Variants in CLTCL1 observed in about 807,000 individuals in gnomAD.
The protein encoded by CLTCL1 is clathrin heavy chain 2.
CLTCL1 carries 159 observed loss-of-function variants against 190.0 expected under a neutral mutation model. The observed-to-expected ratio is 0.84, with a 90% CI of 0.74 to 0.95. The LOEUF (loss-of-function observed/expected upper bound fraction) is 0.95. CLTCL1 is among the 40% of genes least tolerant of loss of function. The pLI, the probability that CLTCL1 is intolerant of heterozygous loss-of-function variation, is 0.00. For synonymous variants in CLTCL1, 752 were observed against 769.6 expected, an observed-to-expected ratio of 0.98 and a Z score of 0.38; for missense variants, 1,878 against 2,033.4, an observed-to-expected ratio of 0.92 and a Z score of 1.47.
chr22:19,222,938 C>G, intron 14 of CLTCL1, 129 bp from the exon 15 acceptor site: 1 of 1,140,812 alleles, frequency 8.8e-7, no homozygotes, highest in Non-Finnish European at 1.2e-6. Context: ...CAGAATGAGA[C>G]TGCTCTAAAT....
rs182850219 is a variant in CLTCL1 at position 19,231,754 on chromosome 22, T to G, written c.1644+722A>C. ...CATAAAGTATGAGAAGTTTATATTT[T>G]GAACAACTTTAAAATATGAACTGTA... On this transcript the variant is annotated intron_variant, in intron 10 of 32. Coordinates refer to ENST00000427926, the MANE Select transcript of CLTCL1 (RefSeq NM_007098.4). 7.9e-3 allele frequency among the ~76,000 whole-genome samples: 1,210 copies of G among 152,336 alleles called. 7 individuals are homozygous for G. Among genetic ancestry groups the G allele is most frequent in the Non-Finnish European group, 0.013 (900 of 68,034 alleles).
At chr22:19,215,507 C>T (rs2145697250) in intron 19 of CLTCL1, among the ~76,000 whole-genome samples, 2 of 152,230 alleles carry the variant, frequency 1.3e-5, no homozygotes, top group Middle Eastern at 6.8e-3. Flanking sequence ...AGCACGCGCT[C>T]CCACCTCTAT....
chr22:19,191,340 C>A lies in CLTCL1; in HGVS notation c.4287G>T (p.Arg1429=). ...AACTGACTGTCCAGGTGTGGTCCAG[C>A]CGGGGTGAAAGCACCAGCAGCAGGT... is the stretch of plus-strand genomic sequence containing the variant. ...INDLLLVLSP[R]LDHTWTVSFF... The change falls in exon 27 of 33, where the codon CGG becomes CGT. Residue 1429 remains arginine (R), a synonymous_variant. Transcript: ENST00000427926. The A allele has an allele frequency of 6.2e-7, 1 of 1,613,986 alleles. No homozygotes were observed. The highest frequency in any genetic ancestry group is 8.5e-7 in the Non-Finnish European group (1 of 1,179,890).
chr22:19,239,356 C>T lies in CLTCL1; in HGVS notation c.714G>A (p.Ala238=), dbSNP rs574632656. Residue 238 remains alanine (A), a synonymous_variant, in exon 5 of 33, where the codon GCG becomes GCA. Coordinates refer to ENST00000427926, the MANE Select transcript of CLTCL1 (RefSeq NM_007098.4). ...CTTTCTTTACAAAAGGTTGGTTTCC[C>T]GCTGCAGGCTGTCCAACTTCAATGA... ...LHIIEVGQPA[A]GNQPFVKKAV... is the part of the protein sequence containing the mutation. 44 of 1,613,982 alleles carry T rather than the reference C, an allele frequency of 2.7e-5. No homozygotes were observed. The highest frequency in any genetic ancestry group is 1.3e-4 in the African/African-American group (10 of 75,028).
intron 27 of CLTCL1, among the ~76,000 whole-genome samples, chr22:19,188,428 G>A (rs918535361): frequency 7.2e-5 from 11 of 152,176 alleles, no homozygotes; most frequent in Non-Finnish European, 1.5e-5. Context: ...ACAGCATTAT[G>A]TCTACAAAAA....
chr22:19,215,374 G>A (rs1369531709), intron 19 of CLTCL1, among the ~76,000 whole-genome samples: 2 of 152,224 alleles, frequency 1.3e-5, no homozygotes, highest in African/African-American at 4.8e-5. Context: ...CTTATGATGT[G>A]AGTTGATTAA....
rs781815713 is a variant in CLTCL1, at chr22:19,225,553, T to C, written c.2028A>G (p.Arg676=). The change falls in exon 13 of 33, where the codon AGA becomes AGG. Residue 676 remains arginine, a synonymous_variant. Transcript: ENST00000427926. ...CLHAMLSANI[R]QNLQLCVQVA... ...CCTGCACACACAGCTGAAGGTTCTG[T>C]CTGATGTTAGCAGACAGCATGGCAT... 1 of 1,588,554 alleles carries C rather than the reference T, an allele frequency of 6.3e-7. No homozygotes were observed. The highest frequency in any genetic ancestry group is 1.8e-5 in the Admixed American group (1 of 56,274).
intron 2 of CLTCL1, among the ~76,000 whole-genome samples, chr22:19,259,422 A>G (rs2086872427): frequency 6.6e-6 from 1 of 151,938 alleles, no homozygotes; most frequent in African/African-American, 2.4e-5. Context: ...AACAAAAAAA[A>G]TCAAAGGTTT....
rs373680132 is a variant in CLTCL1, at chr22:19,199,807, C to T, written c.3800G>A (p.Arg1267His). 56 of 1,597,702 alleles carry T rather than the reference C, an allele frequency of 3.5e-5. No homozygotes were observed. In the African/African-American group the frequency reaches 4.5e-4, roughly 13 times the overall value. ...CFACMDGQEF[R>H]FAQLCGLHIV... Reference sequence around the variant, plus strand: ...GTGAAGACCACACAGCTGTGCGAAGCGGAACTCTTGTCCATCCATGCAGGC... The same window carrying T: ...GTGAAGACCACACAGCTGTGCGAAGTGGAACTCTTGTCCATCCATGCAGGC... The change falls in exon 24 of 33, where the codon CGC (arginine) becomes CAC (histidine). Residue 1267 changes from arginine to histidine, a missense_variant. Transcript: ENST00000427926.
intron 26 of CLTCL1, 45 bp from the exon 27 acceptor site, chr22:19,191,480 G>A (rs1555932148): frequency 6.2e-7 from 1 of 1,604,456 alleles, no homozygotes; most frequent in Non-Finnish European, 8.5e-7. Context: ...GCTGTCTCCA[G>A]ATACCCCAGG....
At chr22:19,258,243 C>A (rs954491182) in intron 2 of CLTCL1, 15 of 344,618 alleles carry the variant, frequency 4.4e-5, no homozygotes, top group Non-Finnish European at 7.9e-5. Flanking sequence ...GTCCAAATAT[C>A]AGGACCTTGG....
At chr22:19,215,882 G>A (rs968377342) in intron 19 of CLTCL1, among the ~76,000 whole-genome samples, 7 of 152,290 alleles carry the variant, frequency 4.6e-5, no homozygotes, top group East Asian at 3.9e-4. Flanking sequence ...TAAGAGGAGC[G>A]CAGGCTCCTA....
chr22:19,199,603 C>T (rs2084815874), intron 24 of CLTCL1, 131 bp downstream of exon 24: 3 of 618,746 alleles, frequency 4.8e-6, no homozygotes, highest in Non-Finnish European at 8.3e-6. Flanking sequence ...GAATCTTCCC[C>T]TCAGGGCCAT....
chr22:19,183,355 A>T (rs1281400227), intron 30 of CLTCL1, 35 bp downstream of exon 30: 5 of 1,583,082 alleles, frequency 3.2e-6, no homozygotes, highest in Non-Finnish European at 4.3e-6. Context: ...CATGCCACAC[A>T]GGGGCCGGGG....
At chr22:19,192,556 G>A (rs1490491809) in intron 26 of CLTCL1, among the ~76,000 whole-genome samples, 1 of 152,184 alleles carries the variant, frequency 6.6e-6, no homozygotes, top group Admixed American at 6.5e-5. Flanking sequence ...GGGATCCCAG[G>A]GTGATCACCA....
intron 22 of CLTCL1, among the ~76,000 whole-genome samples, chr22:19,202,799 CT>C (rs1268062006): frequency 6.6e-6 from 1 of 152,178 alleles, no homozygotes; most frequent in East Asian, 1.9e-4. Flanking sequence ...TTTGGCTTCC[CT>C]TTTCCTGAGA....
At chr22:19,273,033 T>C (rs1210620803) in intron 2 of CLTCL1, among the ~76,000 whole-genome samples, 1 of 152,096 alleles carries the variant, frequency 6.6e-6, no homozygotes, top group Non-Finnish European at 1.5e-5. Context: ...ATCTGTGAGA[T>C]ACAAGGTGCA....
chr22:19,198,961 G>A lies in CLTCL1; in HGVS notation c.3873+773C>T, dbSNP rs2084794569. 2.6e-5 allele frequency among the ~76,000 whole-genome samples: 4 copies of A among 152,138 alleles called. No individual in the cohort carries two copies. Among genetic ancestry groups the A allele is most frequent in the South Asian group, 4.2e-4 (2 of 4,812 alleles). ...TGGCTTTCCAGTTCATTTCTCAGGC[G>A]CCTCTCTGGGGGTGGGAAAGCATTT... On this transcript the variant is annotated intron_variant, in intron 24 of 32. Transcript: ENST00000427926. The surrounding 1 kb of genome is among the most constrained non-coding windows in gnomAD (Gnocchi z 4.1).
chr22:19,235,853 C>T lies in CLTCL1; in HGVS notation c.812G>A (p.Gly271Asp), dbSNP rs782220211. The T allele has an allele frequency of 2.7e-5, 43 of 1,613,510 alleles. No homozygotes were observed. Among genetic ancestry groups the T allele is most frequent in the Non-Finnish European group, 3.4e-5 (40 of 1,179,704 alleles). Residue 271 changes from glycine to aspartate, a missense_variant, in exon 6 of 33, where the codon GGT becomes GAT. By Grantham distance (94) the Gly-to-Asp change is moderately conservative (BLOSUM62 -1). Transcript: ENST00000427926. ...PVAMQIGAKH[G>D]VIYLITKYGY... ...ATACTTTGTGATCAAGTAAATAACA[C>T]CATGTTTAGCTCCAATCTATAAGAA...
Sources: gnomAD v4.1 joint callset for allele counts (sites outside exome capture counted in the v4.1 genomes callset) on GRCh38, gnomAD v4.1.1 for gene constraint, Gnocchi (gnomAD v3.1) non-coding constraint, MANE v1.5 for transcripts, NCBI Gene and HGNC (gene_info 2026-07-23, HGNC 2026-07-21) for gene names.